The following SOX5 variants were observed in gnomAD, a reference collection of about 807,000 sequenced individuals.
SOX5 encodes the protein transcription factor SOX-5.
In SOX5, 9 loss-of-function variants were observed where a neutral mutation model predicts 92.0. The observed-to-expected ratio is 0.10, with a 90% CI of 0.06 to 0.17. The LOEUF is 0.17. SOX5 is among the 10% of genes least tolerant of loss of function. The probability of loss-of-function intolerance (pLI) is 1.00; values close to 1 mark genes in which losing one functional copy is unlikely to be tolerated. For synonymous variants in SOX5, 344 were observed against 336.3 expected, an observed-to-expected ratio of 1.02 and a Z score of -0.25; for missense variants, 642 against 944.5, an observed-to-expected ratio of 0.68 and a Z score of 4.20.
intron 1 of SOX5, among the ~76,000 whole-genome samples, chr12:24,520,826 G>T (rs1176617878): frequency 6.6e-6 from 1 of 152,176 alleles, no homozygotes; most frequent in Non-Finnish European, 1.5e-5. Context: ...GCAACCGAAA[G>T]AAAGCAGAGG....
chr12:24,014,397 C>T (rs540314775), intron 4 of SOX5, among the ~76,000 whole-genome samples: 38 of 152,286 alleles, frequency 2.5e-4, no homozygotes, highest in African/African-American at 8.4e-4. Flanking sequence ...TAAAGAAGCC[C>T]TGAGATTTCT....
At chr12:23,564,037 G>A (rs1156831918) in intron 10 of SOX5, among the ~76,000 whole-genome samples, 1 of 152,228 alleles carries the variant, frequency 6.6e-6, no homozygotes, top group African/African-American at 2.4e-5. Flanking sequence ...ATGTAACCAA[G>A]CACCTGTAAT....
chr12:24,309,517 GA>G (rs962557950), intron 2 of SOX5, among the ~76,000 whole-genome samples: 57 of 150,174 alleles, frequency 3.8e-4, no homozygotes, highest in African/African-American at 8.3e-4. Flanking sequence ...TTTTTCTTCA[GA>G]AAAAAAAACT....
intron 2 of SOX5, chr12:24,277,424 A>G (rs1047804683): frequency 2.1e-4 from 15 of 70,274 alleles, no homozygotes; most frequent in Non-Finnish European, 5.3e-4. Flanking sequence ...ATTTATATTT[A>G]TATATGTAAA....
At chr12:24,042,659 G>GTGGCACAAAAAAT (rs1347420545) in intron 4 of SOX5, among the ~76,000 whole-genome samples, 9 of 152,080 alleles carry the variant, frequency 5.9e-5, no homozygotes, top group Non-Finnish European at 1.3e-4. Flanking sequence ...TTAGCTGTAT[G>GTGGCACAAAAAAT]TGGCACAAAA....
At chr12:23,905,523 T>G (rs1157119701) in intron 1 of SOX5, among the ~76,000 whole-genome samples, 1 of 152,232 alleles carries the variant, frequency 6.6e-6, no homozygotes, top group South Asian at 2.1e-4. Context: ...CATTACATTA[T>G]TTTGATATTA....
chr12:23,666,910 T>C (rs1243841846), intron 6 of SOX5, among the ~76,000 whole-genome samples: 2 of 152,202 alleles, frequency 1.3e-5, no homozygotes, highest in African/African-American at 2.4e-5. Context: ...CCCAGTCGCA[T>C]TACACATTCC....
At chr12:24,281,607 G>A (rs571896266) in intron 2 of SOX5, among the ~76,000 whole-genome samples, 3 of 152,344 alleles carry the variant, frequency 2.0e-5, no homozygotes, top group South Asian at 2.1e-4. Flanking sequence ...GTACCTCGCA[G>A]GGCCTGGTAG....
intron 9 of SOX5, among the ~76,000 whole-genome samples, chr12:23,591,275 A>G (rs1383866692): frequency 6.6e-6 from 1 of 152,080 alleles, no homozygotes; most frequent in Non-Finnish European, 1.5e-5. Flanking sequence ...ACAAACTATG[A>G]TAACTAGGGT....
chr12:24,274,625 G>A (rs1279325308), intron 3 of SOX5, among the ~76,000 whole-genome samples: 1 of 150,296 alleles, frequency 6.7e-6, no homozygotes, highest in Non-Finnish European at 1.5e-5. Context: ...CATACATCAT[G>A]TGTCTCTTAC....
chr12:23,930,408 C>T (rs915082929), intron 1 of SOX5, among the ~76,000 whole-genome samples: 1 of 151,508 alleles, frequency 6.6e-6, no homozygotes, highest in Non-Finnish European at 1.5e-5. Flanking sequence ...AGTAAACCTA[C>T]AAAAGAAAGC....
At chr12:24,456,435 A>G (rs1348092573) in intron 1 of SOX5, among the ~76,000 whole-genome samples, 1 of 152,206 alleles carries the variant, frequency 6.6e-6, no homozygotes, top group Admixed American at 6.5e-5. Context: ...TAGAAACTCT[A>G]CTAAGGAAGA....
chr12:23,843,818 C>T (rs2096545785), intron 3 of SOX5, among the ~76,000 whole-genome samples: 1 of 152,024 alleles, frequency 6.6e-6, no homozygotes, highest in Admixed American at 6.6e-5. Flanking sequence ...CCTGCCACGG[C>T]CTCCCAAAGT....
chr12:24,306,809 T>C (rs1372606562), intron 2 of SOX5, among the ~76,000 whole-genome samples: 1 of 152,088 alleles, frequency 6.6e-6, no homozygotes, highest in Non-Finnish European at 1.5e-5. Context: ...TGTGAACAAA[T>C]GTCACAAATG....
chr12:24,282,182 C>T (rs192826696), intron 2 of SOX5, among the ~76,000 whole-genome samples: 9 of 152,060 alleles, frequency 5.9e-5, no homozygotes. Context: ...TCTTTAGGAA[C>T]ACAAAGAAAA....
chr12:24,140,138 A>G (rs1363849201), intron 4 of SOX5, among the ~76,000 whole-genome samples: 1 of 152,248 alleles, frequency 6.6e-6, no homozygotes, highest in Non-Finnish European at 1.5e-5. Context: ...TTTTTCAAAC[A>G]TAAAAAGTCC....
intron 8 of SOX5, among the ~76,000 whole-genome samples, chr12:23,609,835 A>C (rs1403755585): frequency 1.3e-5 from 2 of 152,168 alleles, no homozygotes; most frequent in African/African-American, 4.8e-5. Context: ...GTTCTCCACC[A>C]CCACCAACAT....
intron 4 of SOX5, among the ~76,000 whole-genome samples, chr12:24,171,135 TC>T (rs1263400457): frequency 1.7e-4 from 14 of 83,018 alleles, no homozygotes; most frequent in African/African-American, 4.9e-4. Flanking sequence ...GCTCCCAAGA[TC>T]TATTTTTTTT....
intron 2 of SOX5, among the ~76,000 whole-genome samples, chr12:24,352,660 T>C (rs1490641945): frequency 6.6e-6 from 1 of 152,254 alleles, no homozygotes; most frequent in African/African-American, 2.4e-5. Context: ...TGATATTATG[T>C]TCCTCAGATC....
Sources: gnomAD v4.1 joint callset for allele counts (sites outside exome capture counted in the v4.1 genomes callset) on GRCh38, gnomAD v4.1.1 for gene constraint, MANE v1.5 for transcripts, NCBI Gene and HGNC (gene_info 2026-07-23, HGNC 2026-07-21) for gene names.